MEIS1: variants seen among roughly 807,000 people sequenced by gnomAD.
The protein encoded by MEIS1 is homeobox protein Meis1.
Under a neutral mutation model 50.8 loss-of-function variants are expected in MEIS1, and 5 were observed. That is an observed-to-expected ratio of 0.10 (90% CI 0.05 to 0.21). The LOEUF is 0.21. Among genes scored for constraint, MEIS1 ranks in the 10% least tolerant of loss-of-function variants. MEIS1 has a pLI of 1.00. For missense variants in MEIS1, 318 were observed against 517.3 expected, an observed-to-expected ratio of 0.61 and a Z score of 3.74; for synonymous variants, 176 against 179.3, an observed-to-expected ratio of 0.98 and a Z score of 0.15.
chr2:66,442,333 A>G (rs1047215755), intron 5 of MEIS1, among the ~76,000 whole-genome samples: 1 of 151,182 alleles, frequency 6.6e-6, no homozygotes, highest in Non-Finnish European at 1.5e-5. Context: ...ATGTTTTCCC[A>G]TATCAGGAGT....
At chr2:66,517,893 A>G (rs745991084) in intron 8 of MEIS1, among the ~76,000 whole-genome samples, 2 of 152,218 alleles carry the variant, frequency 1.3e-5, no homozygotes, top group Admixed American at 6.5e-5. Flanking sequence ...TTCTTAGGTC[A>G]GGTAAACTGA....
At chr2:66,515,352 G>C (rs965970974) in intron 8 of MEIS1, among the ~76,000 whole-genome samples, 1 of 152,006 alleles carries the variant, frequency 6.6e-6, no homozygotes, top group Admixed American at 6.6e-5. Context: ...CCCTTGAAAA[G>C]GCTTTAAAGC....
chr2:66,497,718 A>G (rs1261594982), intron 7 of MEIS1, among the ~76,000 whole-genome samples: 2 of 152,152 alleles, frequency 1.3e-5, no homozygotes, highest in Non-Finnish European at 2.9e-5. Flanking sequence ...AACATGTGAG[A>G]CTCCATCTCT....
intron 8 of MEIS1, among the ~76,000 whole-genome samples, chr2:66,520,915 A>T (rs1279149133): frequency 6.6e-6 from 1 of 152,212 alleles, no homozygotes; most frequent in Admixed American, 6.5e-5. Flanking sequence ...TCTCAAACAC[A>T]CAGCAAATCA....
chr2:66,554,787 T>C (rs765082883), intron 9 of MEIS1, among the ~76,000 whole-genome samples: 1 of 152,210 alleles, frequency 6.6e-6, no homozygotes, highest in African/African-American at 2.4e-5. Flanking sequence ...AAAAATACTT[T>C]GATAAGGAGA....
At chr2:66,497,817 T>G (rs1673444503) in intron 7 of MEIS1, among the ~76,000 whole-genome samples, 1 of 152,166 alleles carries the variant, frequency 6.6e-6, no homozygotes, top group Non-Finnish European at 1.5e-5. Context: ...TTAACCTATT[T>G]TGTGTGGGAA....
intron 8 of MEIS1, among the ~76,000 whole-genome samples, chr2:66,514,833 G>C (rs1022493384): frequency 6.6e-6 from 1 of 152,090 alleles, no homozygotes; most frequent in South Asian, 2.1e-4. Context: ...AGGAACACCC[G>C]TTACCCTTGT....
At chr2:66,557,960 G>C (rs1386290136) in intron 9 of MEIS1, among the ~76,000 whole-genome samples, 5 of 152,162 alleles carry the variant, frequency 3.3e-5, no homozygotes, top group Non-Finnish European at 7.3e-5. Context: ...TGTTTTGACT[G>C]TGATAATTAC....
At chr2:66,469,193 A>AG (rs900671381) in intron 7 of MEIS1, among the ~76,000 whole-genome samples, 16 of 148,370 alleles carry the variant, frequency 1.1e-4, no homozygotes, top group African/African-American at 3.9e-4. Flanking sequence ...GTACCACTTA[A>AG]AAAAAAAAAA....
chr2:66,560,621 A>G (rs958717940), intron 9 of MEIS1, among the ~76,000 whole-genome samples: 4 of 151,914 alleles, frequency 2.6e-5, no homozygotes, highest in East Asian at 1.9e-4. Flanking sequence ...AGAAAATTGT[A>G]TATGTAATTA....
chr2:66,526,631 T>C (rs1050827426), intron 8 of MEIS1, among the ~76,000 whole-genome samples: 2 of 152,238 alleles, frequency 1.3e-5, no homozygotes, highest in African/African-American at 4.8e-5. Flanking sequence ...CATTGTAGAC[T>C]ACTCTTTGTT....
intron 7 of MEIS1, among the ~76,000 whole-genome samples, chr2:66,482,797 CT>C (rs1673049278): frequency 6.6e-6 from 1 of 152,182 alleles, no homozygotes; most frequent in Admixed American, 6.5e-5. Flanking sequence ...CAATGTTGCT[CT>C]CTTTAGGAGT....
chr2:66,462,162 A>G (rs1436199993), intron 6 of MEIS1, among the ~76,000 whole-genome samples: 1 of 152,200 alleles, frequency 6.6e-6, no homozygotes, highest in Non-Finnish European at 1.5e-5. Context: ...CTTTGGTTCT[A>G]AGTCACCTTT....
chr2:66,441,161 A>G (rs1671970818), intron 4 of MEIS1, among the ~76,000 whole-genome samples: 1 of 150,580 alleles, frequency 6.6e-6, no homozygotes, highest in African/African-American at 2.4e-5. Context: ...GAAAGGGGAG[A>G]GCCATGGGGG....
At chr2:66,478,635 T>G (rs945115730) in intron 7 of MEIS1, among the ~76,000 whole-genome samples, 1 of 152,190 alleles carries the variant, frequency 6.6e-6, no homozygotes, top group Non-Finnish European at 1.5e-5. Context: ...CTAAACAAAT[T>G]CTAGCACTTT....
chr2:66,467,024 A>T (rs1433449115), intron 7 of MEIS1, among the ~76,000 whole-genome samples: 2 of 152,176 alleles, frequency 1.3e-5, no homozygotes, highest in African/African-American at 4.8e-5. Context: ...CCCTCTGTTA[A>T]ATAACCTTAT....
At chr2:66,486,303 G>C (rs1673142043) in intron 7 of MEIS1, among the ~76,000 whole-genome samples, 1 of 152,182 alleles carries the variant, frequency 6.6e-6, no homozygotes, top group Non-Finnish European at 1.5e-5. Flanking sequence ...TCCAGTTTCA[G>C]TTTTCTGCAT....
intron 7 of MEIS1, among the ~76,000 whole-genome samples, chr2:66,466,684 A>C (rs746344375): frequency 7.9e-5 from 12 of 152,220 alleles, no homozygotes; most frequent in Non-Finnish European, 1.6e-4. Flanking sequence ...ATAGTTATTT[A>C]CACAGTTTGA....
At chr2:66,446,772 C>A (rs1672159484) in intron 6 of MEIS1, among the ~76,000 whole-genome samples, 1 of 152,226 alleles carries the variant, frequency 6.6e-6, no homozygotes, top group South Asian at 2.1e-4. Context: ...TGCTGCCGAG[C>A]TCCCGGGGGA....
Sources: gnomAD v4.1 joint callset for allele counts (sites outside exome capture counted in the v4.1 genomes callset) on GRCh38, gnomAD v4.1.1 for gene constraint, MANE v1.5 for transcripts, NCBI Gene and HGNC (gene_info 2026-07-23, HGNC 2026-07-21) for gene names.